The following NRXN1 variants were observed in gnomAD, a reference collection of about 807,000 sequenced individuals.
NRXN1 encodes neurexin-1.
A neutral mutation model predicts 150.9 loss-of-function variants in NRXN1; 39 were observed. The observed-to-expected ratio is 0.26, with a 90% CI of 0.20 to 0.34. The LOEUF (loss-of-function observed/expected upper bound fraction) is 0.34, where lower values mean the gene tolerates loss of function less well. NRXN1 is among the 10% of genes least tolerant of loss of function. The pLI, the probability that NRXN1 is intolerant of heterozygous loss-of-function variation, is 1.00. For synonymous variants in NRXN1, 924 were observed against 757.0 expected, an observed-to-expected ratio of 1.22 and a Z score of -3.62; for missense variants, 1,815 against 1,949.9, an observed-to-expected ratio of 0.93 and a Z score of 1.30.
At chr2:50,737,332 C>T (rs759613898) in intron 5 of NRXN1, among the ~76,000 whole-genome samples, 1 of 152,094 alleles carries the variant, frequency 6.6e-6, no homozygotes, top group South Asian at 2.1e-4. Context: ...TAACATAATG[C>T]CCCAAGACCA....
At chr2:50,606,250 GAAAAAAAAAAAA>G (rs1203771076) in intron 8 of NRXN1, among the ~76,000 whole-genome samples, 1 of 75,514 alleles carries the variant, frequency 1.3e-5, no homozygotes, top group Non-Finnish European at 2.5e-5. Context: ...CTCTGTTTCA[GAAAAAAAAAAAA>G]AAAAAAAAAG....
chr2:50,241,430 A>G (rs746386272), intron 17 of NRXN1, among the ~76,000 whole-genome samples: 5 of 151,828 alleles, frequency 3.3e-5, no homozygotes, highest in African/African-American at 7.2e-5. Flanking sequence ...GCATGTTTCT[A>G]TATGGCAAGC....
At chr2:50,953,414 G>A (rs1263899178) in intron 2 of NRXN1, among the ~76,000 whole-genome samples, 1 of 151,998 alleles carries the variant, frequency 6.6e-6, no homozygotes, top group African/African-American at 2.4e-5. Flanking sequence ...TTCATAACTG[G>A]CAACAAATGG....
chr2:50,408,243 A>G (rs1038249926), intron 17 of NRXN1, among the ~76,000 whole-genome samples: 6 of 152,256 alleles, frequency 3.9e-5, no homozygotes, highest in Non-Finnish European at 8.8e-5. Context: ...ACAATAGATT[A>G]ACATGAGAAT....
intron 2 of NRXN1, among the ~76,000 whole-genome samples, chr2:50,977,601 C>A (rs1696073337): frequency 6.6e-6 from 1 of 151,868 alleles, no homozygotes; most frequent in African/African-American, 2.4e-5. Context: ...AAATATTACA[C>A]AGTTTGAAAG....
rs540583990 is a variant in NRXN1, at chr2:50,567,542, A to G, written c.1321-14517T>C. 2.0e-5 allele frequency among the ~76,000 whole-genome samples: 3 copies of G among 151,264 alleles called. No homozygotes were observed. The South Asian group carries it at 6.3e-4, about 32-fold the overall frequency. On this transcript the variant is annotated intron_variant, in intron 8 of 22. Coordinates refer to ENST00000401669, the MANE Select transcript of NRXN1 (RefSeq NM_001330078.2). ...AAAACTTAATAAGAAAAAGTCCACA[A>G]TGAACAAGGTATTCAAATTTTAAAT...
At chr2:50,054,159 G>A (rs1252763804) in intron 20 of NRXN1, among the ~76,000 whole-genome samples, 2 of 151,656 alleles carry the variant, frequency 1.3e-5, no homozygotes, top group African/African-American at 4.8e-5. Flanking sequence ...GAAATTCATG[G>A]TTTACACTGA....
chr2:50,671,207 T>C (rs1688789171), intron 5 of NRXN1, among the ~76,000 whole-genome samples: 3 of 151,834 alleles, frequency 2.0e-5, no homozygotes, highest in Admixed American at 6.6e-5. Context: ...AGAGAATTTA[T>C]CTTGAGAACA....
chr2:50,357,069 C>A (rs913588290), intron 17 of NRXN1, among the ~76,000 whole-genome samples: 3 of 152,030 alleles, frequency 2.0e-5, no homozygotes, highest in Admixed American at 6.5e-5. Context: ...TGGAGACTAC[C>A]AGTTTGAGAC....
At chr2:50,594,568 C>T (rs530921492) in intron 8 of NRXN1, among the ~76,000 whole-genome samples, 1 of 152,148 alleles carries the variant, frequency 6.6e-6, no homozygotes, top group East Asian at 1.9e-4. Flanking sequence ...GTCATTAAAC[C>T]AAAAAGCAAA....
intron 17 of NRXN1, among the ~76,000 whole-genome samples, chr2:50,446,344 C>T (rs2086399452): frequency 6.7e-6 from 1 of 149,988 alleles, no homozygotes; most frequent in Admixed American, 6.7e-5. Flanking sequence ...CCTCCTTCCC[C>T]CAGTCCCTTC....
chr2:50,055,873 A>T (rs2152631691), intron 19 of NRXN1, among the ~76,000 whole-genome samples: 1 of 152,300 alleles, frequency 6.6e-6, no homozygotes, highest in Admixed American at 6.5e-5. Context: ...TAAGCCACAA[A>T]CAGTGGCCCC....
chr2:50,902,361 C>A (rs1176558551), intron 5 of NRXN1, among the ~76,000 whole-genome samples: 1 of 147,330 alleles, frequency 6.8e-6, no homozygotes, highest in Non-Finnish European at 1.5e-5. Flanking sequence ...AGAAGAAGAA[C>A]AAAAACAAGT....
At chr2:50,068,552 T>A (rs901606606) in intron 19 of NRXN1, among the ~76,000 whole-genome samples, 3 of 152,170 alleles carry the variant, frequency 2.0e-5, no homozygotes, top group African/African-American at 7.2e-5. Context: ...ACTAGCTGGA[T>A]CAGTAGCATA....
chr2:50,029,106 G>C (rs902979078), intron 21 of NRXN1, among the ~76,000 whole-genome samples: 2 of 152,148 alleles, frequency 1.3e-5, no homozygotes, highest in Non-Finnish European at 2.9e-5. Context: ...TTCATGAATG[G>C]AATTAGTGCC....
chr2:50,551,106 G>C (rs1338278401), intron 9 of NRXN1, among the ~76,000 whole-genome samples: 1 of 96,144 alleles, frequency 1.0e-5, no homozygotes. Context: ...GAGGAGGAGG[G>C]AGGGGGAGGG....
At chr2:50,828,571 C>CTGCACTCTGGGCACTTTGGGAGGCCAAG (rs1670882198) in intron 5 of NRXN1, among the ~76,000 whole-genome samples, 1 of 151,060 alleles carries the variant, frequency 6.6e-6, no homozygotes. Context: ...CGGGCAGAGG[C>CTGCACTCTGGGCACTTTGGGAGGCCAAG]GCTCCTTACA....
intron 18 of NRXN1, among the ~76,000 whole-genome samples, chr2:50,200,933 A>C (rs1448057823): frequency 6.6e-6 from 1 of 152,036 alleles, no homozygotes; most frequent in Non-Finnish European, 1.5e-5. Context: ...TGTGCTGCCC[A>C]AAAAGTGAAG....
chr2:50,166,426 C>T (rs1455666362), intron 18 of NRXN1, among the ~76,000 whole-genome samples: 1 of 151,728 alleles, frequency 6.6e-6, no homozygotes, highest in Non-Finnish European at 1.5e-5. Flanking sequence ...CCTCACAGAA[C>T]TGAATACTGG....
Sources: allele counts gnomAD v4.1 joint callset (sites outside exome capture counted in the v4.1 genomes callset), GRCh38; gene constraint gnomAD v4.1.1; transcripts MANE v1.5; gene names NCBI Gene and HGNC (gene_info 2026-07-23, HGNC 2026-07-21).